FOXK2: variants seen among roughly 807,000 people sequenced by gnomAD.
The protein encoded by FOXK2 is forkhead box K2.
FOXK2 carries 24 observed loss-of-function variants against 53.3 expected under a neutral mutation model. That is an observed-to-expected ratio of 0.45 (90% CI 0.33 to 0.63). The LOEUF (loss-of-function observed/expected upper bound fraction) is 0.63, where lower values mean the gene tolerates loss of function less well. FOXK2 is among the 30% of genes least tolerant of loss of function. The pLI, the probability that FOXK2 is intolerant of heterozygous loss-of-function variation, is 0.03. For missense variants in FOXK2, 952 were observed against 910.5 expected, an observed-to-expected ratio of 1.05 and a Z score of -0.59; for synonymous variants, 505 against 407.1, an observed-to-expected ratio of 1.24 and a Z score of -2.89.
chr17:82,540,852 C>T (rs1050833423), intron 1 of FOXK2, among the ~76,000 whole-genome samples: 1 of 152,120 alleles, frequency 6.6e-6, no homozygotes, highest in Non-Finnish European at 1.5e-5. Context: ...TATTTTTTTC[C>T]CAGCGCATCA....
At chr17:82,569,416 A>G (rs1205132591) in intron 3 of FOXK2, among the ~76,000 whole-genome samples, 2 of 152,226 alleles carry the variant, frequency 1.3e-5, no homozygotes, top group Non-Finnish European at 2.9e-5. Context: ...AGTAAATCCC[A>G]GCAAAACTGT....
At chr17:82,596,547 G>GCCCTGGTGCCCTCATCACGCCC (rs1555644203) in intron 8 of FOXK2, among the ~76,000 whole-genome samples, 44 of 152,040 alleles carry the variant, frequency 2.9e-4, no homozygotes, top group South Asian at 8.3e-4. Flanking sequence ...CGCACTTTCT[G>GCCCTGGTGCCCTCATCACGCCC]CGGGCAGTCT....
At chr17:82,572,900 A>G (rs560319253) in intron 4 of FOXK2, among the ~76,000 whole-genome samples, 1 of 152,300 alleles carries the variant, frequency 6.6e-6, no homozygotes, top group African/African-American at 2.4e-5. Context: ...ATGTTAAAAA[A>G]TAGCCTACCG....
intron 1 of FOXK2, among the ~76,000 whole-genome samples, chr17:82,540,392 C>T (rs2044563093): frequency 6.6e-6 from 1 of 152,148 alleles, no homozygotes; most frequent in South Asian, 2.1e-4. Flanking sequence ...GTCTTATGTC[C>T]ATTCTTCCTG....
chr17:82,534,427 T>A (rs747184619), intron 1 of FOXK2, among the ~76,000 whole-genome samples: 1 of 152,144 alleles, frequency 6.6e-6, no homozygotes, highest in African/African-American at 2.4e-5. Context: ...GACCATGAAG[T>A]TGGTGGCTTG....
intron 3 of FOXK2, 68 bp downstream of exon 3, chr17:82,568,269 C>A: frequency 6.4e-7 from 1 of 1,567,310 alleles, no homozygotes; most frequent in Non-Finnish European, 8.7e-7. Flanking sequence ...CTCAATGTCA[C>A]CTGCCTGTCA....
intron 1 of FOXK2, among the ~76,000 whole-genome samples, chr17:82,549,749 A>G (rs769402347): frequency 6.6e-6 from 1 of 152,244 alleles, no homozygotes; most frequent in Non-Finnish European, 1.5e-5. Context: ...CCTCCTGGTT[A>G]TGAATGTTTC....
chr17:82,582,952 C>G lies in FOXK2; in HGVS notation c.1103+18C>G, dbSNP rs550652670. 12 of 1,520,548 alleles carry G rather than the reference C, an allele frequency of 7.9e-6. No homozygotes were observed. Among genetic ancestry groups the G allele is most frequent in the Non-Finnish European group, 1.1e-5 (12 of 1,136,542 alleles). 94.2% of individuals were successfully genotyped at this position (1,520,548 alleles called of 1,614,324 possible). On this transcript the variant is annotated intron_variant, in intron 5 of 8. Coordinates refer to ENST00000335255, the MANE Select transcript of FOXK2 (RefSeq NM_004514.4). ...TCTTCTAGGTAAGGAAAAAGAAGAA[C>G]AAAAGGCCTCACTTCGTGCTTACTA...
chr17:82,597,946 G>C (rs997803316), intron 8 of FOXK2, among the ~76,000 whole-genome samples: 8 of 152,100 alleles, frequency 5.3e-5, no homozygotes, highest in African/African-American at 1.7e-4. Context: ...CACCGCGCCC[G>C]GCCTCCCAGT....
chr17:82,524,801 G>A (rs1354304520), intron 1 of FOXK2, among the ~76,000 whole-genome samples: 2 of 152,298 alleles, frequency 1.3e-5, no homozygotes, highest in East Asian at 3.9e-4. Context: ...TCTTGGCAGT[G>A]AGCCAGTGGA....
intron 1 of FOXK2, among the ~76,000 whole-genome samples, chr17:82,527,823 T>G (rs2044433099): frequency 6.6e-6 from 1 of 152,112 alleles, no homozygotes; most frequent in African/African-American, 2.4e-5. Context: ...TTTTATTATT[T>G]AGAGTCTCAC....
At chr17:82,594,727 C>A (rs2045292743) in intron 8 of FOXK2, among the ~76,000 whole-genome samples, 1 of 152,244 alleles carries the variant, frequency 6.6e-6, no homozygotes, top group South Asian at 2.1e-4. Context: ...GATGGACTCG[C>A]AGAGGAACTT....
intron 1 of FOXK2, among the ~76,000 whole-genome samples, chr17:82,556,913 G>A (rs2044731250): frequency 6.6e-6 from 1 of 152,072 alleles, no homozygotes; most frequent in Non-Finnish European, 1.5e-5. Flanking sequence ...ATGTTGGCCA[G>A]GCTAGTCTTG....
At chr17:82,587,376 C>G (rs373990876) in intron 8 of FOXK2, 104 bp downstream of exon 8, 3 of 883,740 alleles carry the variant, frequency 3.4e-6, no homozygotes, top group South Asian at 2.9e-5. Context: ...TAGCTTTTGT[C>G]TGAGGCAATG....
chr17:82,557,651 T>C (rs2044745263), intron 1 of FOXK2, among the ~76,000 whole-genome samples: 1 of 151,882 alleles, frequency 6.6e-6, no homozygotes, highest in Non-Finnish European at 1.5e-5. Context: ...GGCCTCTGCC[T>C]TTTTTAAAAA....
At chr17:82,562,859 G>A (rs1011339322) in intron 1 of FOXK2, among the ~76,000 whole-genome samples, 75 of 151,002 alleles carry the variant, frequency 5.0e-4, no homozygotes, top group African/African-American at 1.7e-3. Context: ...AGACTGAAGT[G>A]CAGTGGCACT....
chr17:82,602,796 G>A lies in FOXK2; in HGVS notation c.*1297G>A, dbSNP rs923294202. ...AGGAAGAAAACCGCTGGCCCTTCCCGAGTGTGCCGGCCGAGGGCCGAGGGC... is the reference window on the plus strand; with the variant it reads ...AGGAAGAAAACCGCTGGCCCTTCCCAAGTGTGCCGGCCGAGGGCCGAGGGC... On this transcript the variant is annotated 3_prime_UTR_variant, in exon 9 of 9. Transcript: ENST00000335255. 2.0e-5 allele frequency: 3 copies of A among 152,292 alleles called. No homozygotes were observed. Among genetic ancestry groups the A allele is most frequent in the Admixed American group, 6.5e-5 (1 of 15,294 alleles). 9.4% of individuals were successfully genotyped at this position (152,292 alleles called of 1,614,324 possible).
At chr17:82,581,588 G>T (rs913970648) in intron 4 of FOXK2, among the ~76,000 whole-genome samples, 1 of 150,580 alleles carries the variant, frequency 6.6e-6, no homozygotes, top group Non-Finnish European at 1.5e-5. Flanking sequence ...CCATTCTCCC[G>T]CCTCAGCCTC....
At chr17:82,556,424 A>G (rs1167720422) in intron 1 of FOXK2, among the ~76,000 whole-genome samples, 4 of 151,292 alleles carry the variant, frequency 2.6e-5, no homozygotes, top group African/African-American at 4.9e-5. Context: ...AGTCTGGGCA[A>G]TAGAGTGAGA....
Sources: gnomAD v4.1 joint callset for allele counts (sites outside exome capture counted in the v4.1 genomes callset) on GRCh38, gnomAD v4.1.1 for gene constraint, MANE v1.5 for transcripts, NCBI Gene and HGNC (gene_info 2026-07-23, HGNC 2026-07-21) for gene names.